PHOSPHO2: variants seen among roughly 807,000 people sequenced by gnomAD.
PHOSPHO2 encodes the protein pyridoxal phosphate phosphatase PHOSPHO2.
Under a neutral mutation model 16.4 loss-of-function variants are expected in PHOSPHO2, and 14 were observed. The observed-to-expected ratio is 0.85, with a 90% CI of 0.56 to 1.33. The LOEUF (loss-of-function observed/expected upper bound fraction) is 1.33, where lower values mean the gene tolerates loss of function less well. Among genes scored for constraint, PHOSPHO2 ranks in the 40% most tolerant of loss-of-function variants. The pLI is 0.00. For synonymous variants in PHOSPHO2, 85 were observed against 90.5 expected (o/e 0.94, Z 0.34); for missense variants, 246 against 282.5 (o/e 0.87, Z 0.93).
At chr2:169,700,445 G>A (rs1410944063) in intron 3 of PHOSPHO2, among the ~76,000 whole-genome samples, 2 of 151,932 alleles carry the variant, frequency 1.3e-5, no homozygotes, top group African/African-American at 4.8e-5. Context: ...ATTAAATAGG[G>A]AATCCTTTCC....
chr2:169,698,699 T>C (rs1687636422), intron 3 of PHOSPHO2, among the ~76,000 whole-genome samples: 1 of 152,176 alleles, frequency 6.6e-6, no homozygotes, highest in Non-Finnish European at 1.5e-5. Flanking sequence ...ATTCTTTCCT[T>C]TTCTCTTGAG....
chr2:169,696,513 TCTTA>T (rs571754016), intron 2 of PHOSPHO2, among the ~76,000 whole-genome samples: 8 of 152,368 alleles, frequency 5.3e-5, no homozygotes, highest in Middle Eastern at 3.4e-3. Flanking sequence ...CACATGCATA[TCTTA>T]CTTAATTATT....
intron 3 of PHOSPHO2, among the ~76,000 whole-genome samples, chr2:169,699,814 C>T (rs1209919476): frequency 6.6e-6 from 1 of 151,918 alleles, no homozygotes; most frequent in African/African-American, 2.4e-5. Context: ...ATTTCTTGGG[C>T]ACATGTATTG....
At chr2:169,699,979 A>G (rs564434741) in intron 3 of PHOSPHO2, among the ~76,000 whole-genome samples, 1 of 152,302 alleles carries the variant, frequency 6.6e-6, no homozygotes, top group East Asian at 1.9e-4. Flanking sequence ...GTCTTTAACT[A>G]TTTGGGAGCT....
At chr2:169,697,164 C>T (rs1197523806) in intron 2 of PHOSPHO2, among the ~76,000 whole-genome samples, 197 bp from the exon 3 acceptor site, 3 of 152,054 alleles carry the variant, frequency 2.0e-5, no homozygotes, top group South Asian at 4.2e-4. Flanking sequence ...TACAGGTGCC[C>T]GCCACCACGC....
intron 3 of PHOSPHO2, 127 bp downstream of exon 3, chr2:169,697,658 A>G (rs1687595923): frequency 6.6e-6 from 1 of 152,218 alleles, no homozygotes; most frequent in Admixed American, 6.5e-5. Flanking sequence ...TGCTATTTTG[A>G]GGCTAATAAT....
rs1183418263 is a variant in PHOSPHO2, at chr2:169,701,393, C to G, written c.422C>G (p.Thr141Ser). The G allele has an allele frequency of 6.2e-7, 1 of 1,613,438 alleles. No homozygotes were observed. The highest frequency in any genetic ancestry group is 1.3e-5 in the African/African-American group (1 of 74,902). Residue 141 changes from threonine (T) to serine (S), a missense_variant, in exon 4 of 4, where the codon ACT (threonine) becomes AGT (serine). Coordinates refer to ENST00000359744, the MANE Select transcript of PHOSPHO2 (RefSeq NM_001008489.4). ...NGHLTVENYH[T>S]HSCNRCPKNL... Reference sequence around the variant, plus strand: ...CATCTCACTGTTGAAAATTATCATACTCATTCTTGCAATAGATGCCCAAAG... The same window carrying G: ...CATCTCACTGTTGAAAATTATCATAGTCATTCTTGCAATAGATGCCCAAAG...
In PHOSPHO2 at chr2:169,694,492, A is replaced by T. The variant is rs1687427918; in HGVS notation, c.-361A>T. 23 of 695,804 alleles carry T rather than the reference A, an allele frequency of 3.3e-5. No individual in the cohort carries two copies. The East Asian group carries it at 6.2e-4, about 19-fold the overall frequency. The allele number at this position is 695,804 out of a possible 1,614,324, so 43.1% of individuals were successfully genotyped here. A position where few individuals can be genotyped will look rare whatever the true frequency, so the allele number is the denominator to read the frequency against. On this transcript the variant is annotated 5_prime_UTR_variant, in exon 1 of 4. The change creates a new upstream start codon in the 5' untranslated region. Transcript: ENST00000359744. ...CTGCAGTTGGCGGTCGGGCTAGAGA[A>T]GAGAGGCGCCTGCGCTTGCGAGCTG...
intron 3 of PHOSPHO2, among the ~76,000 whole-genome samples, chr2:169,698,996 A>C (rs1558930515): frequency 6.6e-6 from 1 of 152,208 alleles, no homozygotes; most frequent in Non-Finnish European, 1.5e-5. Flanking sequence ...ATTTTAAGCT[A>C]AATACTTTTT....
chr2:169,695,637 C>CAAAA (rs71006023), intron 2 of PHOSPHO2, among the ~76,000 whole-genome samples: 16 of 141,928 alleles, frequency 1.1e-4, no homozygotes, highest in South Asian at 2.2e-4. Context: ...GACTCCGTCT[C>CAAAA]AAAAAAAAAA....
intron 3 of PHOSPHO2, among the ~76,000 whole-genome samples, chr2:169,699,297 G>C (rs1687663277): frequency 7.0e-6 from 1 of 142,442 alleles, no homozygotes; most frequent in Non-Finnish European, 1.6e-5. Flanking sequence ...TCCTGTGTTA[G>C]TTTGCTGAGG....
Position 169,701,525 on chromosome 2 carries a change from G to C in PHOSPHO2, c.554G>C (p.Cys185Ser). ...VYIGDGGNDV[C>S]PVTFLKNDDV... Reference sequence around the variant, plus strand: ...ATTGGTGATGGTGGAAATGATGTCTGTCCAGTCACCTTTTTAAAGAATGAT... The same window carrying C: ...ATTGGTGATGGTGGAAATGATGTCTCTCCAGTCACCTTTTTAAAGAATGAT... The change falls in exon 4 of 4, where the codon TGT becomes TCT. Residue 185 changes from cysteine (C) to serine (S), a missense_variant. Physicochemically the swap from Cys to Ser is moderately radical, Grantham distance 112. Coordinates refer to ENST00000359744, the MANE Select transcript of PHOSPHO2 (RefSeq NM_001008489.4). 2 of 1,613,596 alleles carry C rather than the reference G, an allele frequency of 1.2e-6. No homozygotes were observed. Among genetic ancestry groups the C allele is most frequent in the Non-Finnish European group, 1.7e-6 (2 of 1,179,970 alleles).
chr2:169,700,359 A>AT (rs1687709466), intron 3 of PHOSPHO2, among the ~76,000 whole-genome samples: 1 of 149,322 alleles, frequency 6.7e-6, no homozygotes, highest in Non-Finnish European at 1.5e-5. Flanking sequence ...CCTTGAGTTG[A>AT]TTTTTGTATA....
chr2:169,700,824 T>TA, intron 3 of PHOSPHO2, 122 bp from the exon 4 acceptor site: 1 of 1,009,236 alleles, frequency 9.9e-7, no homozygotes. Flanking sequence ...TTGAAGTGCT[T>TA]AATTACTTTG....
chr2:169,695,719 T>C (rs1177494221), intron 2 of PHOSPHO2, among the ~76,000 whole-genome samples: 1 of 152,142 alleles, frequency 6.6e-6, no homozygotes, highest in African/African-American at 2.4e-5. Flanking sequence ...GGCAGTTTCA[T>C]GGAAGACACA....
Position 169,701,027 on chromosome 2 carries a change from A to G in PHOSPHO2, c.56A>G (p.Asp19Gly). 6.2e-7 allele frequency: 1 copy of G among 1,612,182 alleles called. No homozygotes were observed. Among genetic ancestry groups the G allele is most frequent in the Non-Finnish European group, 8.5e-7 (1 of 1,179,538 alleles). ...FDNTIIDDNS[D>G]TWIVQCAPNK... is the part of the protein sequence containing the mutation. Reference sequence around the variant, plus strand: ...AATACAATCATAGATGACAATAGTGACACTTGGATTGTACAATGTGCTCCC... The same window carrying G: ...AATACAATCATAGATGACAATAGTGGCACTTGGATTGTACAATGTGCTCCC... Residue 19 changes from aspartate to glycine, a missense_variant, in exon 4 of 4, where the codon GAC becomes GGC. Physicochemically the swap from Asp to Gly is moderately conservative, Grantham distance 94. Transcript: ENST00000359744.
chr2:169,694,536 C>G lies in PHOSPHO2; in HGVS notation c.-317C>G, dbSNP rs1340951416. The G allele has an allele frequency of 1.6e-6, 1 of 625,576 alleles. No homozygotes were observed. Among genetic ancestry groups the G allele is most frequent in the Admixed American group, 2.6e-5 (1 of 38,674 alleles). The allele number at this position is 625,576 out of a possible 1,614,324, so 38.8% of individuals were successfully genotyped here. On this transcript the variant is annotated 5_prime_UTR_variant, in exon 1 of 4. Transcript: ENST00000359744. ...CGAGCTGGGCTTGTGAGTGGGGCTG[C>G]CGAGAGGGCAGGCGTGGGGCGAGGC...
At chr2:169,699,681 C>T (rs976342054) in intron 3 of PHOSPHO2, among the ~76,000 whole-genome samples, 1 of 152,112 alleles carries the variant, frequency 6.6e-6, no homozygotes, top group African/African-American at 2.4e-5. Context: ...CACAACCTTG[C>T]CAGCATCTGT....
chr2:169,701,339 C>T lies in PHOSPHO2; in HGVS notation c.368C>T (p.Thr123Ile), dbSNP rs772970626. 2 of 1,613,070 alleles carry T rather than the reference C, an allele frequency of 1.2e-6. No homozygotes were observed. Among genetic ancestry groups the T allele is most frequent in the Non-Finnish European group, 1.7e-6 (2 of 1,179,688 alleles). The change falls in exon 4 of 4, where the codon ACA (threonine) becomes ATA (isoleucine). Residue 123 changes from threonine (T) to isoleucine (I), a missense_variant. Coordinates refer to ENST00000359744, the MANE Select transcript of PHOSPHO2 (RefSeq NM_001008489.4). ...SFHDIFDKVF[T>I]NPAAFNSNGH... The stretch of plus-strand genomic sequence containing the variant: ...CATGACATATTTGATAAAGTGTTTA[C>T]AAATCCAGCAGCTTTTAATAGCAAT...
Sources: gnomAD v4.1 joint callset for allele counts (sites outside exome capture counted in the v4.1 genomes callset) on GRCh38, gnomAD v4.1.1 for gene constraint, MANE v1.5 for transcripts, NCBI Gene and HGNC (gene_info 2026-07-23, HGNC 2026-07-21) for gene names.